The following CNTNAP3 variants were observed in gnomAD, a reference collection of about 807,000 sequenced individuals.
CNTNAP3 encodes contactin-associated protein-like 3.
In CNTNAP3, 36 loss-of-function variants were observed where a neutral mutation model predicts 92.1. That is an observed-to-expected ratio of 0.39 (90% CI 0.30 to 0.52). The LOEUF is 0.52. Among genes scored for constraint, CNTNAP3 ranks in the 20% least tolerant of loss-of-function variants. The pLI, the probability that CNTNAP3 is intolerant of heterozygous loss-of-function variation, is 0.76. For synonymous variants in CNTNAP3, 232 were observed against 422.3 expected (o/e 0.55, Z 5.53); for missense variants, 534 against 1,069.6 (o/e 0.50, Z 6.98).
Position 39,068,896 on chromosome 9 carries a change from T to C in CNTNAP3, c.*4994A>G, listed in dbSNP as rs1825574113. On this transcript the variant is annotated 3_prime_UTR_variant, in exon 24 of 24. Coordinates refer to ENST00000297668, the MANE Select transcript of CNTNAP3 (RefSeq NM_033655.5). ...GTGTACTGAAAACCATAGTTTCATATATTTTGTCTGGTTTGAGGTTGTTTC... is the reference window on the plus strand; with the variant it reads ...GTGTACTGAAAACCATAGTTTCATACATTTTGTCTGGTTTGAGGTTGTTTC... Among the ~76,000 whole-genome samples the C allele has an allele frequency of 6.6e-6, 1 of 152,312 alleles. No individual in the cohort carries two copies. Among genetic ancestry groups the C allele is most frequent in the East Asian group, 1.9e-4 (1 of 5,208 alleles).
chr9:39,106,712 G>A (rs1564074701), intron 15 of CNTNAP3: 1 of 152,128 alleles, frequency 6.6e-6, no homozygotes, highest in African/African-American at 2.4e-5. Context: ...TTTCCAGAGA[G>A]AAAATAATCT....
rs902840967 is a variant in CNTNAP3, at chr9:39,286,990, G to A, written c.85+990C>T. On this transcript the variant is annotated intron_variant, in intron 1 of 23. Transcript: ENST00000297668. ...GTAGGAGAGGGCTGAGGCTGACAGCGGGGAGATGCCACTGAAAGAAAAATA... is the reference window on the plus strand; with the variant it reads ...GTAGGAGAGGGCTGAGGCTGACAGCAGGGAGATGCCACTGAAAGAAAAATA... Among the ~76,000 whole-genome samples, 13 of 28,600 alleles carry A rather than the reference G, an allele frequency of 4.5e-4. 2 individuals are homozygous for A. Among genetic ancestry groups the A allele is most frequent in the African/African-American group, 9.4e-4 (13 of 13,900 alleles). The allele number at this position is 28,600 out of a possible 152,430, so 18.8% of individuals were successfully genotyped here.
chr9:39,083,316 T>C (rs1202821108), intron 21 of CNTNAP3, among the ~76,000 whole-genome samples: 1 of 152,090 alleles, frequency 6.6e-6, no homozygotes, highest in African/African-American at 2.4e-5. Flanking sequence ...CAAAAAGGCA[T>C]CTTCCATTTT....
intron 10 of CNTNAP3, among the ~76,000 whole-genome samples, chr9:39,149,181 C>G (rs1798014561): frequency 6.6e-6 from 1 of 152,104 alleles, no homozygotes; most frequent in African/African-American, 2.4e-5. Context: ...ATTCCTCTGC[C>G]TGGAAAAACA....
intron 12 of CNTNAP3, among the ~76,000 whole-genome samples, chr9:39,136,882 G>A (rs1193425810): frequency 6.6e-6 from 1 of 152,148 alleles, no homozygotes; most frequent in African/African-American, 2.4e-5. Context: ...CCTGGGCAAT[G>A]AGAGTAAAAC....
At chr9:39,217,358 G>GTATATA (rs58203008) in intron 3 of CNTNAP3, among the ~76,000 whole-genome samples, 181 of 4,238 alleles carry the variant, frequency 0.043, 27 homozygotes, top group East Asian at 0.076. Flanking sequence ...ATTTACATGA[G>GTATATA]TATATATATA....
chr9:39,095,326 T>A (rs1244142266), intron 18 of CNTNAP3, among the ~76,000 whole-genome samples: 1 of 151,778 alleles, frequency 6.6e-6, no homozygotes, highest in Non-Finnish European at 1.5e-5. Context: ...TTCTTCTTCT[T>A]GCTTAATGAC....
chr9:39,105,247 G>T (rs1220177990), intron 15 of CNTNAP3, among the ~76,000 whole-genome samples: 1 of 152,158 alleles, frequency 6.6e-6, no homozygotes, highest in Non-Finnish European at 1.5e-5. Context: ...CTAACATGGT[G>T]AAACCCCGTC....
chr9:39,077,807 T>G (rs1162903696), intron 23 of CNTNAP3, among the ~76,000 whole-genome samples: 3 of 151,984 alleles, frequency 2.0e-5, no homozygotes, highest in Non-Finnish European at 4.4e-5. Flanking sequence ...ATTAATAACT[T>G]TTCAGTATTA....
At chr9:39,248,976 T>A (rs1822791774) in intron 2 of CNTNAP3, among the ~76,000 whole-genome samples, 1 of 16,192 alleles carries the variant, frequency 6.2e-5, no homozygotes, top group African/African-American at 7.9e-5. Context: ...ATGCTTTTAC[T>A]TTTTAAGAAA....
chr9:39,119,312 T>G (rs1820945081), intron 13 of CNTNAP3, among the ~76,000 whole-genome samples: 1 of 145,812 alleles, frequency 6.9e-6, no homozygotes, highest in Non-Finnish European at 1.5e-5. Flanking sequence ...ATAAGATCTC[T>G]GCATTCATTA....
intron 18 of CNTNAP3, among the ~76,000 whole-genome samples, chr9:39,091,504 A>T (rs1411693626): frequency 1.3e-5 from 2 of 152,056 alleles, no homozygotes; most frequent in African/African-American, 4.8e-5. Context: ...ATATTAATTG[A>T]TTTTCAGCTG....
At chr9:39,126,038 C>T (rs1026882318) in intron 13 of CNTNAP3, among the ~76,000 whole-genome samples, 2 of 152,306 alleles carry the variant, frequency 1.3e-5, no homozygotes, top group African/African-American at 2.4e-5. Context: ...TATCTAGACA[C>T]TGCAGAATAC....
intron 18 of CNTNAP3, among the ~76,000 whole-genome samples, chr9:39,093,661 T>C (rs1826262431): frequency 6.6e-6 from 1 of 151,536 alleles, no homozygotes; most frequent in Admixed American, 6.6e-5. Flanking sequence ...TAGCATAATG[T>C]CTTCTATGTC....
chr9:39,146,121 C>A, intron 10 of CNTNAP3, among the ~76,000 whole-genome samples: 1 of 152,078 alleles, frequency 6.6e-6, no homozygotes, highest in East Asian at 1.9e-4. Flanking sequence ...CAACTAAACA[C>A]AACATGAATT....
At chr9:39,079,021 C>A in intron 21 of CNTNAP3, 101 bp from the exon 22 acceptor site, 1 of 1,486,640 alleles carries the variant, frequency 6.7e-7, no homozygotes, top group South Asian at 1.2e-5. Context: ...TCCTTCACTC[C>A]AGGAGAGGTC....
chr9:39,107,976 G>C (rs984599994), intron 15 of CNTNAP3, among the ~76,000 whole-genome samples: 5 of 152,140 alleles, frequency 3.3e-5, no homozygotes, highest in Non-Finnish European at 7.3e-5. Flanking sequence ...GCTGTGAGGA[G>C]TCTGAGATTT....
intron 20 of CNTNAP3, chr9:39,086,476 T>C: frequency 1.9e-6 from 1 of 539,616 alleles, no homozygotes; most frequent in South Asian, 3.9e-5. Context: ...TTTTAAATAG[T>C]AAAATATTAA....
At chr9:39,108,039 T>C (rs915771563) in intron 15 of CNTNAP3, among the ~76,000 whole-genome samples, 3 of 152,128 alleles carry the variant, frequency 2.0e-5, no homozygotes, top group African/African-American at 7.2e-5. Context: ...TGGATGCTGA[T>C]AGAAAACACA....
Sources: gnomAD v4.1 joint callset for allele counts (sites outside exome capture counted in the v4.1 genomes callset) on GRCh38, gnomAD v4.1.1 for gene constraint, MANE v1.5 for transcripts, NCBI Gene and HGNC (gene_info 2026-07-23, HGNC 2026-07-21) for gene names.